The following ECE1 variants were observed in gnomAD, a reference collection of about 807,000 sequenced individuals.
ECE1 encodes the protein endothelin-converting enzyme 1.
Under a neutral mutation model 98.6 loss-of-function variants are expected in ECE1, and 35 were observed. The observed-to-expected ratio is 0.35, with a 90% CI of 0.27 to 0.47. The LOEUF (loss-of-function observed/expected upper bound fraction) is 0.47. ECE1 is among the 20% of genes least tolerant of loss of function. The probability of loss-of-function intolerance (pLI) is 1.00; values close to 1 mark genes in which losing one functional copy is unlikely to be tolerated. For missense variants in ECE1, 814 were observed against 1,025.3 expected (o/e 0.79, Z 2.81); for synonymous variants, 394 against 407.1 (o/e 0.97, Z 0.39).
intron 1 of ECE1, among the ~76,000 whole-genome samples, chr1:21,317,918 T>C (rs3026832): frequency 0.01 from 1,568 of 152,332 alleles, 31 homozygotes; most frequent in African/African-American, 0.035. Flanking sequence ...AAATCCAGGC[T>C]CGGGGTGTGA....
rs139604488 is a variant in ECE1 at position 21,316,096 on chromosome 1, C to T, written c.4-25940G>A. Among the ~76,000 whole-genome samples, 28 of 152,304 alleles carry T rather than the reference C, an allele frequency of 1.8e-4. No homozygotes were observed. The East Asian group carries it at 3.9e-3, about 21-fold the overall frequency. On this transcript the variant is annotated intron_variant, in intron 1 of 18. Coordinates refer to the ECE1 transcript ENST00000415912. ...TTGTCTAGGGAACAGATTTACTACA[C>T]GCACACAATGCGCCAGACACTGTTC...
chr1:21,287,132 C>T (rs540381746), intron 2 of ECE1, among the ~76,000 whole-genome samples: 58 of 152,236 alleles, frequency 3.8e-4, no homozygotes, highest in African/African-American at 1.2e-3. Flanking sequence ...CTTCCTAAAA[C>T]GAATGGACTT....
intron 5 of ECE1, among the ~76,000 whole-genome samples, chr1:21,259,895 C>A (rs1318219317): frequency 1.4e-4 from 21 of 152,054 alleles, no homozygotes; most frequent in Admixed American, 1.4e-3. Context: ...AGGCACACAC[C>A]CCTCCACACA....
At chr1:21,246,570 C>T (rs777147765) in intron 9 of ECE1, among the ~76,000 whole-genome samples, 2 of 151,584 alleles carry the variant, frequency 1.3e-5, no homozygotes, top group Non-Finnish European at 1.5e-5. Context: ...CCAACATTTA[C>T]TGAGTCCCAG....
chr1:21,258,640 C>T lies in ECE1; in HGVS notation c.762+53G>A. On this transcript the variant is annotated intron_variant, in intron 6 of 18. Transcript: ENST00000374893. This position sits in a 1 kb window ranked among gnomAD's most constrained non-coding sequence, Gnocchi z 4.2. ...ACCCCAGGTCCTGCTAAACTCAAAA[C>T]AGGAAGAGGTCGTGCCCGCCCCCTC... is the stretch of plus-strand genomic sequence containing the variant. 2 of 1,238,110 alleles carry T rather than the reference C, an allele frequency of 1.6e-6. No homozygotes were observed. Among genetic ancestry groups the T allele is most frequent in the South Asian group, 2.4e-5 (2 of 84,810 alleles). 76.7% of individuals were successfully genotyped at this position (1,238,110 alleles called of 1,614,324 possible).
intron 1 of ECE1, chr1:21,298,538 G>A (rs530470388): frequency 3.0e-6 from 1 of 338,474 alleles, no homozygotes; most frequent in African/African-American, 2.1e-5. Context: ...AAAAAAGTGA[G>A]CCACGGAAAG....
intron 1 of ECE1, among the ~76,000 whole-genome samples, chr1:21,300,877 C>T (rs213057): frequency 0.11 from 15,992 of 152,216 alleles, 1,112 homozygotes; most frequent in East Asian, 0.39. Flanking sequence ...GAGCCTGTTT[C>T]CTAGGAGTAC....
chr1:21,296,202 T>C (rs1417416960), intron 1 of ECE1, among the ~76,000 whole-genome samples: 6 of 152,094 alleles, frequency 3.9e-5, no homozygotes, highest in Non-Finnish European at 7.3e-5. Context: ...AGAAGTCAAA[T>C]ACGAGTTATT....
At chr1:21,302,230 C>T (rs992618003) in intron 1 of ECE1, among the ~76,000 whole-genome samples, 1 of 152,194 alleles carries the variant, frequency 6.6e-6, no homozygotes, top group East Asian at 1.9e-4. Flanking sequence ...TTCCAGGAGG[C>T]CCTCTTTGAA....
intron 3 of ECE1, among the ~76,000 whole-genome samples, chr1:21,273,923 C>T (rs2098243497): frequency 6.6e-6 from 1 of 152,212 alleles, no homozygotes. Flanking sequence ...CCCAAAGGAC[C>T]CAAAGCCTGG....
At chr1:21,241,871 C>T (rs770407178) in intron 10 of ECE1, among the ~76,000 whole-genome samples, 3 of 152,272 alleles carry the variant, frequency 2.0e-5, no homozygotes, top group East Asian at 1.9e-4. Flanking sequence ...TCGATCTGAC[C>T]GGTCAGGAAG....
chr1:21,238,998 A>ATT (rs71569823), intron 10 of ECE1, among the ~76,000 whole-genome samples: 22 of 143,204 alleles, frequency 1.5e-4, no homozygotes, highest in African/African-American at 2.0e-4. Flanking sequence ...CTATTTAAAA[A>ATT]TTTTTTTTTT....
At position 21,220,016 on chromosome 1, in the gene ECE1, T is replaced by C. The variant is rs1290658173; in HGVS notation, c.2252A>G (p.Glu751Gly). ...TGAGCCAGGTGGGCAGCGGAAGTGT[T>C]CTGAGAACTCCTTGGAATTGGAGAG... ...GSLSNSKEFSEHFRCPPGSPM... is the reference protein window; with the variant it reads ...GSLSNSKEFSGHFRCPPGSPM... The change falls in exon 19 of 19, where the codon GAA (glutamate) becomes GGA (glycine). Residue 751 changes from glutamate to glycine, a missense_variant. By Grantham distance (98) the Glu-to-Gly change is moderately conservative (BLOSUM62 -2). Coordinates refer to ENST00000374893, the MANE Select transcript of ECE1 (RefSeq NM_001397.3). The surrounding 1 kb of genome is among the most constrained non-coding windows in gnomAD (Gnocchi z 5.0). 1.2e-6 allele frequency: 2 copies of C among 1,614,196 alleles called. No homozygotes were observed. Among genetic ancestry groups the C allele is most frequent in the Non-Finnish European group, 8.5e-7 (1 of 1,180,040 alleles).
chr1:21,318,294 GC>G (rs2103398674), intron 1 of ECE1, among the ~76,000 whole-genome samples: 1 of 152,278 alleles, frequency 6.6e-6, no homozygotes, highest in African/African-American at 2.4e-5. Flanking sequence ...GTTCCTGAGG[GC>G]CCAAGGACAT....
At chr1:21,238,822 T>C (rs1482598922) in intron 10 of ECE1, among the ~76,000 whole-genome samples, 1 of 152,020 alleles carries the variant, frequency 6.6e-6, no homozygotes, top group Non-Finnish European at 1.5e-5. Flanking sequence ...TTTCTTTTTT[T>C]CTTTTTTTTT....
Position 21,255,208 on chromosome 1 carries a change from G to A in ECE1, c.1020+739C>T, listed in dbSNP as rs1037324279. Reference sequence around the variant, plus strand: ...TAAGGAAGGAGGGAGATGACACTCTGCGGGAGCCCCTCCTCAGCAGAGAAG... The same window carrying A: ...TAAGGAAGGAGGGAGATGACACTCTACGGGAGCCCCTCCTCAGCAGAGAAG... On this transcript the variant is annotated intron_variant, in intron 8 of 18. Coordinates refer to ENST00000374893, the MANE Select transcript of ECE1 (RefSeq NM_001397.3). Among the ~76,000 whole-genome samples the A allele has an allele frequency of 9.8e-5, 15 of 152,340 alleles. No homozygotes were observed. The South Asian group carries it at 3.1e-3, about 32-fold the overall frequency.
chr1:21,343,070 C>T (rs1307222155), intron 1 of ECE1, among the ~76,000 whole-genome samples: 3 of 152,154 alleles, frequency 2.0e-5, no homozygotes, highest in African/African-American at 7.2e-5. Flanking sequence ...ACACAGGTCC[C>T]CCTCCCGGGA....
At chr1:21,326,763 C>T (rs573948366) in intron 1 of ECE1, among the ~76,000 whole-genome samples, 28 of 152,128 alleles carry the variant, frequency 1.8e-4, no homozygotes, top group Admixed American at 5.2e-4. Flanking sequence ...AATCCTAAGA[C>T]AGCAGCCAGC....
At chr1:21,320,766 C>G (rs1432489883) in intron 1 of ECE1, among the ~76,000 whole-genome samples, 1 of 152,260 alleles carries the variant, frequency 6.6e-6, no homozygotes, top group Non-Finnish European at 1.5e-5. Flanking sequence ...TTCTTCCCCA[C>G]CCTTCCTTCA....
Sources: allele counts gnomAD v4.1 joint callset (sites outside exome capture counted in the v4.1 genomes callset), GRCh38; gene constraint gnomAD v4.1.1; non-coding constraint Gnocchi (gnomAD v3.1); transcripts MANE v1.5; gene names NCBI Gene and HGNC (gene_info 2026-07-23, HGNC 2026-07-21).